The following JMJD1C variants were observed in gnomAD, a reference collection of about 807,000 sequenced individuals.
JMJD1C encodes jumonji domain-containing protein 1C.
A neutral mutation model predicts 245.3 loss-of-function variants in JMJD1C; 31 were observed. That is an observed-to-expected ratio of 0.13 (90% CI 0.09 to 0.17). The LOEUF is 0.17. JMJD1C is among the 10% of genes least tolerant of loss of function. JMJD1C has a pLI of 1.00. For missense variants in JMJD1C, 2,691 were observed against 3,000.2 expected (o/e 0.90, Z 2.41); for synonymous variants, 1,057 against 1,017.4 (o/e 1.04, Z -0.74).
intron 3 of JMJD1C, among the ~76,000 whole-genome samples, chr10:63,234,458 C>A (rs1850413906): frequency 1.5e-5 from 2 of 131,132 alleles, no homozygotes; most frequent in Non-Finnish European, 3.1e-5. Context: ...CGCACCACTG[C>A]ACTCCAGCCT....
At chr10:63,261,035 G>T (rs759914180) in intron 3 of JMJD1C, among the ~76,000 whole-genome samples, 3 of 152,058 alleles carry the variant, frequency 2.0e-5, no homozygotes. Context: ...TTCAAAGAAT[G>T]TTAAGTGTAG....
chr10:63,169,429 G>A (rs752158983), intron 24 of JMJD1C, among the ~76,000 whole-genome samples: 12 of 152,060 alleles, frequency 7.9e-5, no homozygotes, highest in Non-Finnish European at 1.6e-4. Context: ...TCCTGGGAAA[G>A]GAGAAATAAT....
intron 1 of JMJD1C, among the ~76,000 whole-genome samples, chr10:63,492,522 T>TGGGCGTGG (rs1170110323): frequency 1.3e-4 from 19 of 151,902 alleles, no homozygotes; most frequent in Admixed American, 2.6e-4. Flanking sequence ...AAAAATTAGC[T>TGGGCGTGG]GGGCGTGGTG....
At chr10:63,448,918 C>A (rs2719814) in intron 1 of JMJD1C, among the ~76,000 whole-genome samples, 150,530 of 152,212 alleles carry the variant, frequency 0.99, 74,451 homozygotes, top group Middle Eastern at 1. Flanking sequence ...GGAGTTCGAG[C>A]CCAGCCTGGC....
At position 63,214,221 on chromosome 10, in the gene JMJD1C, A is replaced by C. The variant is rs1166241412; in HGVS notation, c.1946T>G (p.Ile649Arg). ...CTTTACAGAATCAGGAGAATGAGTTATTTTGGGTTTAACAACTTCAGGTGA... is the reference window on the plus strand; with the variant it reads ...CTTTACAGAATCAGGAGAATGAGTTCTTTTGGGTTTAACAACTTCAGGTGA... ...SPSPEVVKPK[I>R]THSPDSVKSK... is the part of the protein sequence containing the mutation. The change falls in exon 8 of 26, where the codon ATA (isoleucine) becomes AGA (arginine). Residue 649 changes from isoleucine to arginine, a missense_variant. By Grantham distance (97) the Ile-to-Arg change is moderately conservative. This residue lies in a region of JMJD1C where 1,562 missense variants were observed against 1,490.7 expected (regional missense o/e 1.05). Coordinates refer to ENST00000399262, the MANE Select transcript of JMJD1C (RefSeq NM_032776.3). The C allele has an allele frequency of 6.2e-7, 1 of 1,613,944 alleles. No individual in the cohort carries two copies. The highest frequency in any genetic ancestry group is 8.5e-7 in the Non-Finnish European group (1 of 1,179,962).
At chr10:63,229,606 A>C (rs922254356) in intron 3 of JMJD1C, among the ~76,000 whole-genome samples, 1 of 152,164 alleles carries the variant, frequency 6.6e-6, no homozygotes, top group Non-Finnish European at 1.5e-5. Flanking sequence ...TGATGAAAGG[A>C]GTAAATATAA....
At chr10:63,353,317 G>A (rs1276397679) in intron 2 of JMJD1C, among the ~76,000 whole-genome samples, 1 of 152,138 alleles carries the variant, frequency 6.6e-6, no homozygotes, top group Non-Finnish European at 1.5e-5. Context: ...TTGGGAAGGG[G>A]TCACGGTAAT....
At chr10:63,417,686 A>T (rs1426764964) in intron 1 of JMJD1C, among the ~76,000 whole-genome samples, 5 of 152,216 alleles carry the variant, frequency 3.3e-5, no homozygotes, top group Admixed American at 3.3e-4. Context: ...ATTATGCTAT[A>T]TTCTACAGAA....
chr10:63,360,330 C>T (rs1945218341), intron 2 of JMJD1C, among the ~76,000 whole-genome samples: 1 of 152,096 alleles, frequency 6.6e-6, no homozygotes, highest in South Asian at 2.1e-4. Context: ...CACTGCATTT[C>T]AGCCTGAGTG....
intron 2 of JMJD1C, among the ~76,000 whole-genome samples, chr10:63,368,639 T>C (rs561716630): frequency 1.3e-5 from 2 of 152,352 alleles, no homozygotes; most frequent in South Asian, 4.1e-4. Context: ...CACTATGGCA[T>C]AACAAGTGAC....
At position 63,246,029 on chromosome 10, in the gene JMJD1C, GAGAAGAAAAAAACAACA is replaced by G. The variant is rs372175187; in HGVS notation, c.447+18605_447+18621del. On this transcript the variant is annotated intron_variant, in intron 3 of 25. Coordinates refer to ENST00000399262, the MANE Select transcript of JMJD1C (RefSeq NM_032776.3). ...GATAGGCTATTTAAGAATCCTGTCA[GAGAAGAAAAAAACAACA>G]ATGAAAAGAAATGAAGATAACCTAA... 3.4e-3 allele frequency among the ~76,000 whole-genome samples: 524 copies of G among 151,980 alleles called. 4 individuals carry two copies. Among genetic ancestry groups the G allele is most frequent in the African/African-American group, 0.012 (508 of 41,460 alleles).
chr10:63,414,112 G>A (rs1398983368), intron 1 of JMJD1C, among the ~76,000 whole-genome samples: 1 of 150,750 alleles, frequency 6.6e-6, no homozygotes, highest in African/African-American at 2.4e-5. Context: ...TCAGCCTCCC[G>A]AGTAGCTGGG....
intron 1 of JMJD1C, among the ~76,000 whole-genome samples, chr10:63,480,244 G>T (rs1023053788): frequency 6.6e-6 from 1 of 151,936 alleles, no homozygotes; most frequent in Non-Finnish European, 1.5e-5. Flanking sequence ...CCCATCTTTT[G>T]CAACCCTGTG....
intron 2 of JMJD1C, among the ~76,000 whole-genome samples, chr10:63,361,719 T>TAAAAAAAAAAAAAAAAAAAAAAAAA (rs55879769): frequency 2.1e-5 from 2 of 95,604 alleles, no homozygotes; most frequent in African/African-American, 8.8e-5. Context: ...CTGTCTCAAC[T>TAAAAAAAAAAAAAAAAAAAAAAAAA]AAAAAAAAAA....
At chr10:63,298,474 T>C (rs534426579) in intron 2 of JMJD1C, among the ~76,000 whole-genome samples, 3 of 152,324 alleles carry the variant, frequency 2.0e-5, no homozygotes, top group South Asian at 4.1e-4. Context: ...CCTGCCAATG[T>C]TGACACATGG....
At position 63,214,173 on chromosome 10, in the gene JMJD1C, C is replaced by T. The variant is rs1452127153; in HGVS notation, c.1994G>A (p.Ser665Asn). 1 of 1,614,150 alleles carries T rather than the reference C, an allele frequency of 6.2e-7. No individual in the cohort carries two copies. Among genetic ancestry groups the T allele is most frequent in the East Asian group, 2.2e-5 (1 of 44,886 alleles). ...CAATCTTCTTTCACCAGTAGCTTGGCTGTTCACATAAGTGGCCTTAGACTT... is the reference window on the plus strand; with the variant it reads ...CAATCTTCTTTCACCAGTAGCTTGGTTGTTCACATAAGTGGCCTTAGACTT... ...SVKSKATYVNSQATGERRLAN... is the reference protein window; with the variant it reads ...SVKSKATYVNNQATGERRLAN... The change falls in exon 8 of 26, where the codon AGC becomes AAC. Residue 665 changes from serine to asparagine, a missense_variant. Physicochemically the swap from Ser to Asn is conservative, Grantham distance 46. Transcript: ENST00000399262.
chr10:63,458,687 T>C (rs1030806933), intron 1 of JMJD1C, among the ~76,000 whole-genome samples: 5 of 151,138 alleles, frequency 3.3e-5, no homozygotes, highest in African/African-American at 9.7e-5. Flanking sequence ...TAAAAGTTTA[T>C]TGGATTTTTA....
chr10:63,227,666 C>T (rs1849469602), intron 3 of JMJD1C, among the ~76,000 whole-genome samples: 1 of 152,128 alleles, frequency 6.6e-6, no homozygotes, highest in South Asian at 2.1e-4. Flanking sequence ...TCTTAAATTC[C>T]ATTCCATGAC....
intron 1 of JMJD1C, among the ~76,000 whole-genome samples, chr10:63,426,400 C>A (rs1247929640): frequency 6.6e-6 from 1 of 151,904 alleles, no homozygotes; most frequent in Non-Finnish European, 1.5e-5. Context: ...ATTACTACTA[C>A]ACAGTAAATA....
Sources: gnomAD v4.1 joint callset for allele counts (sites outside exome capture counted in the v4.1 genomes callset) on GRCh38, gnomAD v4.1.1 for gene constraint, gnomAD v4.1.1 regional missense constraint, MANE v1.5 for transcripts, NCBI Gene and HGNC (gene_info 2026-07-23, HGNC 2026-07-21) for gene names.